MCRIP1: variants seen among roughly 807,000 people sequenced by gnomAD.
MCRIP1 encodes the protein mapk-regulated corepressor-interacting protein 1.
Under a neutral mutation model 14.4 loss-of-function variants are expected in MCRIP1, and 10 were observed. That is an observed-to-expected ratio of 0.70 (90% CI 0.43 to 1.18). The LOEUF (loss-of-function observed/expected upper bound fraction) is 1.18. Among genes scored for constraint, MCRIP1 ranks in the 50% most tolerant of loss-of-function variants. MCRIP1 has a pLI of 0.00. For missense variants in MCRIP1, 119 were observed against 135.4 expected (o/e 0.88, Z 0.60); for synonymous variants, 53 against 55.7 (o/e 0.95, Z 0.21).
chr17:81,829,211 GC>G (rs1325595842), intron 1 of MCRIP1, among the ~76,000 whole-genome samples: 1 of 142,178 alleles, frequency 7.0e-6, no homozygotes, highest in Non-Finnish European at 1.5e-5. Flanking sequence ...CACCTCAGCT[GC>G]CCAGGTAAAG....
At chr17:81,824,239 G>A (rs2038335506) in intron 3 of MCRIP1, 48 bp downstream of exon 3, 1 of 1,443,886 alleles carries the variant, frequency 6.9e-7, no homozygotes, top group Non-Finnish European at 9.4e-7. Flanking sequence ...GGGCAGAGCT[G>A]ACTCCGTCAA....
chr17:81,832,526 T>C (rs2038540372), intron 1 of MCRIP1, among the ~76,000 whole-genome samples: 1 of 152,248 alleles, frequency 6.6e-6, no homozygotes, highest in Non-Finnish European at 1.5e-5. Context: ...TGGTCCCTGT[T>C]TACACCTCAG....
chr17:81,826,499 G>C, intron 1 of MCRIP1: 1 of 783,492 alleles, frequency 1.3e-6, no homozygotes. Flanking sequence ...CTCCAGCCCA[G>C]GCAACAGAGC....
intron 1 of MCRIP1, chr17:81,825,798 G>A: frequency 7.8e-7 from 1 of 1,289,440 alleles, no homozygotes; most frequent in Non-Finnish European, 1.0e-6. Flanking sequence ...TCCTTTCTTG[G>A]ACTCTGGGGT....
Position 81,833,239 on chromosome 17 carries a change from T to A in MCRIP1, c.-50A>T, listed in dbSNP as rs2038560945. On this transcript the variant is annotated splice_region_variant and 5_prime_UTR_variant, in exon 1 of 5. Transcript: ENST00000455127. ...CGCCCGGCGCCGCACCCGCCTCACC[T>A]CGCCCCGACCCGCCGCCACCGCCTC... is the stretch of plus-strand genomic sequence containing the variant. 6.8e-6 allele frequency: 1 copy of A among 146,288 alleles called. No individual in the cohort carries two copies. Among genetic ancestry groups the A allele is most frequent in the African/African-American group, 2.5e-5 (1 of 39,968 alleles). The allele number at this position is 146,288 out of a possible 1,614,324, so 9.1% of individuals were successfully genotyped here. A position where few individuals can be genotyped will look rare whatever the true frequency, so the allele number is the denominator to read the frequency against.
intron 1 of MCRIP1, chr17:81,826,224 T>A: frequency 6.6e-7 from 1 of 1,517,806 alleles, no homozygotes; most frequent in Admixed American, 2.0e-5. Context: ...TTGCCTTGTG[T>A]GCACACACAC....
intron 1 of MCRIP1, chr17:81,825,048 C>T: frequency 3.0e-6 from 3 of 1,013,562 alleles, no homozygotes; most frequent in Non-Finnish European, 3.5e-6. Context: ...TTCTGTAAAA[C>T]GGGGATGAGC....
In MCRIP1 at chr17:81,826,695, C is replaced by G. The variant is rs375817839; in HGVS notation, c.-48-2141G>C. The G allele has an allele frequency of 7.2e-5, 23 of 321,188 alleles. No individual in the cohort carries two copies. The South Asian group carries it at 8.9e-4, about 12-fold the overall frequency. The allele number at this position is 321,188 out of a possible 1,614,324, so 19.9% of individuals were successfully genotyped here. On this transcript the variant is annotated intron_variant, in intron 1 of 4. Transcript: ENST00000455127. ...TTAGTTGGGCGTGGTGGCAGGCACC[C>G]GTAATCCCAGCTACTCGGGAGGCTG...
chr17:81,824,985 G>A (rs2038359382), intron 1 of MCRIP1: 6 of 1,058,534 alleles, frequency 5.7e-6, no homozygotes, highest in Non-Finnish European at 6.8e-6. Context: ...AACTGACCCT[G>A]CTCTCCCTGG....
chr17:81,826,477 C>T (rs552294202), intron 1 of MCRIP1: 9 of 1,008,538 alleles, frequency 8.9e-6, no homozygotes, highest in East Asian at 2.6e-5. Flanking sequence ...GAGCCAAGAT[C>T]GTGGCACTGC....
intron 1 of MCRIP1, chr17:81,825,900 C>T: frequency 1.5e-6 from 2 of 1,292,238 alleles, no homozygotes; most frequent in Non-Finnish European, 2.0e-6. Context: ...CCCACAGGGA[C>T]ATGCTGCCTG....
In MCRIP1 at chr17:81,823,684, AC is replaced by A. The variant is rs2038321617; in HGVS notation, c.128-172del. Reference sequence around the variant, plus strand: ...CCACCCCAGCCTCACTCACCTGCAGACCCCGTCCCCGCTCCTCTGGCAGGCC... The same window carrying A: ...CCACCCCAGCCTCACTCACCTGCAGACCCGTCCCCGCTCCTCTGGCAGGCC... On this transcript the variant is annotated intron_variant, in intron 3 of 4. Transcript: ENST00000455127. The surrounding 1 kb of genome is among the most constrained non-coding windows in gnomAD (Gnocchi z 6.0). The A allele has an allele frequency of 1.6e-6, 1 of 623,650 alleles. No individual in the cohort carries two copies. The allele number at this position is 623,650 out of a possible 1,614,324, so 38.6% of individuals were successfully genotyped here. A position where few individuals can be genotyped will look rare whatever the true frequency, so the allele number is the denominator to read the frequency against.
intron 1 of MCRIP1, among the ~76,000 whole-genome samples, chr17:81,830,133 C>A (rs1449378806): frequency 1.3e-5 from 2 of 152,106 alleles, no homozygotes; most frequent in Non-Finnish European, 2.9e-5. Flanking sequence ...AGGTATTCCC[C>A]TGCTCTGGGG....
intron 1 of MCRIP1, among the ~76,000 whole-genome samples, chr17:81,832,055 G>A (rs1467780737): frequency 2.6e-5 from 4 of 152,166 alleles, no homozygotes; most frequent in Non-Finnish European, 5.9e-5. Context: ...CAGGCCATGA[G>A]GTAACACTCC....
chr17:81,829,240 C>T (rs948182331), intron 1 of MCRIP1, among the ~76,000 whole-genome samples: 3 of 137,512 alleles, frequency 2.2e-5, no homozygotes, highest in Admixed American at 7.4e-5. Flanking sequence ...GCGGCCTGAC[C>T]GAGGCCGACC....
chr17:81,831,477 C>T (rs1465697894), intron 1 of MCRIP1, among the ~76,000 whole-genome samples: 1 of 149,170 alleles, frequency 6.7e-6, no homozygotes. Flanking sequence ...TCTGGGTAAA[C>T]TGGAATGTAG....
chr17:81,825,521 C>T, intron 1 of MCRIP1: 1 of 1,264,352 alleles, frequency 7.9e-7, no homozygotes, highest in Middle Eastern at 2.2e-4. Context: ...TGCAGATACT[C>T]CAGGGCACAC....
Position 81,823,573 on chromosome 17 carries a change from C to G in MCRIP1, c.128-60G>C. The G allele has an allele frequency of 7.2e-7, 1 of 1,387,046 alleles. No individual in the cohort carries two copies. Among genetic ancestry groups the G allele is most frequent in the Non-Finnish European group, 9.9e-7 (1 of 1,014,252 alleles). The allele number at this position is 1,387,046 out of a possible 1,614,324, so 85.9% of individuals were successfully genotyped here. On this transcript the variant is annotated intron_variant, in intron 3 of 4. Transcript: ENST00000455127. This position sits in a 1 kb window ranked among gnomAD's most constrained non-coding sequence, Gnocchi z 6.0. Reference sequence around the variant, plus strand: ...CTGCCCCAGGGGGTGGCATCCACGTCACGAGAGTGCCTGCCCTCAGCTCCT... The same window carrying G: ...CTGCCCCAGGGGGTGGCATCCACGTGACGAGAGTGCCTGCCCTCAGCTCCT...
intron 1 of MCRIP1, 73 bp from the exon 2 acceptor site, chr17:81,824,627 G>A (rs1025486807): frequency 6.5e-7 from 1 of 1,531,882 alleles, no homozygotes; most frequent in African/African-American, 1.4e-5. Flanking sequence ...GGAGGCGCAG[G>A]GCACACCTGC....
Sources: gnomAD v4.1 joint callset for allele counts (sites outside exome capture counted in the v4.1 genomes callset) on GRCh38, gnomAD v4.1.1 for gene constraint, Gnocchi (gnomAD v3.1) non-coding constraint, MANE v1.5 for transcripts, NCBI Gene and HGNC (gene_info 2026-07-23, HGNC 2026-07-21) for gene names.